Variants in TTI1 observed in about 807,000 individuals in gnomAD.
The protein encoded by TTI1 is TELO2 interacting protein 1.
In TTI1, 52 loss-of-function variants were observed where a neutral mutation model predicts 85.4. The observed-to-expected ratio is 0.61, with a 90% CI of 0.49 to 0.77. The LOEUF (loss-of-function observed/expected upper bound fraction) is 0.77, where lower values mean the gene tolerates loss of function less well. Among genes scored for constraint, TTI1 ranks in the 30% least tolerant of loss-of-function variants. The probability of loss-of-function intolerance (pLI) is 0.00; values close to 1 mark genes in which losing one functional copy is unlikely to be tolerated. For synonymous variants in TTI1, 512 were observed against 503.9 expected, an observed-to-expected ratio of 1.02 and a Z score of -0.22; for missense variants, 1,173 against 1,296.0, an observed-to-expected ratio of 0.91 and a Z score of 1.46.
chr20:38,006,892 A>T (rs1429194985), intron 2 of TTI1, among the ~76,000 whole-genome samples: 1 of 152,232 alleles, frequency 6.6e-6, no homozygotes, highest in Non-Finnish European at 1.5e-5. Context: ...CACCACTGGA[A>T]ATCTAATATG....
chr20:38,011,743 T>A lies in TTI1; in HGVS notation c.2074A>T (p.Asn692Tyr). The change falls in exon 2 of 8, where the codon AAT (asparagine) becomes TAT (tyrosine). Residue 692 changes from asparagine (N) to tyrosine (Y), a missense_variant. Asn to Tyr is a moderately radical substitution (Grantham distance 143). Transcript: ENST00000373447. Reference sequence around the variant, plus strand: ...TTCACTAAATAGTCTGAATTTTGATTGATCAGGTGCTGCAGGGAGTCGTAG... The same window carrying A: ...TTCACTAAATAGTCTGAATTTTGATAGATCAGGTGCTGCAGGGAGTCGTAG... Reference protein sequence around the residue: ...CGYDSLQHLINQNSDYLVNGI... With the variant: ...CGYDSLQHLIYQNSDYLVNGI... The A allele has an allele frequency of 6.2e-7, 1 of 1,614,208 alleles. No homozygotes were observed. Among genetic ancestry groups the A allele is most frequent in the Non-Finnish European group, 8.5e-7 (1 of 1,180,032 alleles).
intron 7 of TTI1, among the ~76,000 whole-genome samples, chr20:37,993,491 C>T (rs1239523918): frequency 6.6e-6 from 1 of 152,180 alleles, no homozygotes; most frequent in African/African-American, 2.4e-5. Context: ...AAGCATGATG[C>T]ACATAAAGAT....
chr20:38,017,417 T>TGTGA (rs1374082464), intron 1 of TTI1, among the ~76,000 whole-genome samples: 38 of 151,030 alleles, frequency 2.5e-4, no homozygotes, highest in African/African-American at 9.3e-4. Flanking sequence ...TGTGTGTGTG[T>TGTGA]GTGTGTGTGT....
chr20:38,030,611 T>C (rs1462750717), intron 1 of TTI1, among the ~76,000 whole-genome samples: 1 of 151,864 alleles, frequency 6.6e-6, no homozygotes, highest in African/African-American at 2.4e-5. Context: ...GCTCAATATT[T>C]GAAAATCAAT....
chr20:38,002,258 CAG>C (rs2073436786), intron 4 of TTI1, among the ~76,000 whole-genome samples: 1 of 152,164 alleles, frequency 6.6e-6, no homozygotes, highest in South Asian at 2.1e-4. Context: ...AGAATGAAAA[CAG>C]AGAGATAAGG....
intron 1 of TTI1, among the ~76,000 whole-genome samples, chr20:38,033,027 A>G (rs2073938670): frequency 1.3e-5 from 2 of 152,162 alleles, no homozygotes; most frequent in Admixed American, 1.3e-4. Flanking sequence ...CGAGAGCCCA[A>G]ATGTGTGTTT....
At chr20:38,029,711 G>A (rs149165432) in intron 1 of TTI1, among the ~76,000 whole-genome samples, 12 of 152,270 alleles carry the variant, frequency 7.9e-5, no homozygotes, top group East Asian at 3.9e-4. Context: ...TTGAATATCC[G>A]TCCCTTCCAA....
chr20:38,028,004 T>C (rs1221631748), intron 1 of TTI1, among the ~76,000 whole-genome samples: 1 of 152,214 alleles, frequency 6.6e-6, no homozygotes, highest in East Asian at 1.9e-4. Context: ...TCTGTCTTCA[T>C]CTTTGTCTTC....
At position 38,013,144 on chromosome 20, in the gene TTI1, A is replaced by T. The variant is rs1332031521; in HGVS notation, c.673T>A (p.Phe225Ile). 3.1e-6 allele frequency: 5 copies of T among 1,614,220 alleles called. No individual in the cohort carries two copies. The highest frequency in any genetic ancestry group is 4.2e-6 in the Non-Finnish European group (5 of 1,180,036). Residue 225 changes from phenylalanine to isoleucine, a missense_variant, in exon 2 of 8, where the codon TTT becomes ATT. Coordinates refer to ENST00000373447, the MANE Select transcript of TTI1 (RefSeq NM_001303457.2). ...TALTRLITGD[F>I]KQGHSIVVSS... Reference sequence around the variant, plus strand: ...ACGACAATGCTGTGACCTTGTTTAAAGTCTCCTGTGATAAGCCTGGTCAGT... The same window carrying T: ...ACGACAATGCTGTGACCTTGTTTAATGTCTCCTGTGATAAGCCTGGTCAGT...
intron 6 of TTI1, 22 bp from the exon 7 acceptor site, chr20:37,996,484 C>G (rs778954246): frequency 6.2e-7 from 1 of 1,611,536 alleles, no homozygotes; most frequent in Admixed American, 1.7e-5. Flanking sequence ...AAAAACAAAA[C>G]AAGCATCAGC....
intron 2 of TTI1, among the ~76,000 whole-genome samples, chr20:38,009,187 C>T (rs1280504350): frequency 6.6e-6 from 1 of 152,160 alleles, no homozygotes; most frequent in African/African-American, 2.4e-5. Flanking sequence ...TAAAGCAGTA[C>T]AGGTGGGATA....
intron 7 of TTI1, among the ~76,000 whole-genome samples, chr20:37,986,356 G>GT (rs1451536468): frequency 3.3e-5 from 5 of 152,104 alleles, no homozygotes; most frequent in Admixed American, 1.3e-4. Context: ...TATGAATGTC[G>GT]TATTTGTTGG....
At chr20:37,999,508 T>C (rs184813483) in intron 4 of TTI1, among the ~76,000 whole-genome samples, 180 bp from the exon 5 acceptor site, 25 of 152,066 alleles carry the variant, frequency 1.6e-4, no homozygotes, top group African/African-American at 5.5e-4. Flanking sequence ...AAAATACACG[T>C]TTCCTTGCCT....
At chr20:38,025,293 C>A (rs2073822197) in intron 1 of TTI1, among the ~76,000 whole-genome samples, 1 of 152,020 alleles carries the variant, frequency 6.6e-6, no homozygotes, top group African/African-American at 2.4e-5. Flanking sequence ...AATCGGTATG[C>A]CGTGGTGGCT....
rs377075805 is a variant in TTI1, at chr20:38,012,100, C to T, written c.1717G>A (p.Val573Ile). 10 of 1,614,180 alleles carry T rather than the reference C, an allele frequency of 6.2e-6. No individual in the cohort carries two copies. Among genetic ancestry groups the T allele is most frequent in the Admixed American group, 5.0e-5 (3 of 60,024 alleles). Residue 573 changes from valine (V) to isoleucine (I), a missense_variant, in exon 2 of 8, where the codon GTT becomes ATT. Val to Ile is a conservative substitution (Grantham distance 29). Transcript: ENST00000373447. ...EYTSQENWYL[V>I]TCLETEEMGE... is the part of the protein sequence containing the mutation. ...ATTTCCTCAGTTTCAAGACAGGTAACCAAATACCAATTTTCTTGACTTGTG... is the reference window on the plus strand; with the variant it reads ...ATTTCCTCAGTTTCAAGACAGGTAATCAAATACCAATTTTCTTGACTTGTG...
At chr20:38,016,610 C>T (rs1256459718) in intron 1 of TTI1, among the ~76,000 whole-genome samples, 1 of 152,204 alleles carries the variant, frequency 6.6e-6, no homozygotes, top group African/African-American at 2.4e-5. Context: ...CTTTCACCCT[C>T]TCTTAATCCC....
chr20:37,992,709 G>C (rs1471620018), intron 7 of TTI1, among the ~76,000 whole-genome samples: 1 of 152,208 alleles, frequency 6.6e-6, no homozygotes, highest in Non-Finnish European at 1.5e-5. Flanking sequence ...CTAAGAGATT[G>C]GCCCAAGGAG....
intron 1 of TTI1, among the ~76,000 whole-genome samples, chr20:38,029,879 A>G (rs185634290): frequency 5.4e-4 from 82 of 152,244 alleles, no homozygotes; most frequent in Non-Finnish European, 9.4e-4. Flanking sequence ...GATATCCTGC[A>G]CTGCCTTGGG....
At chr20:37,998,877 C>T (rs895492800) in intron 5 of TTI1, among the ~76,000 whole-genome samples, 2 of 152,174 alleles carry the variant, frequency 1.3e-5, no homozygotes, top group Non-Finnish European at 1.5e-5. Context: ...CTTAACTTCT[C>T]TGAGCTTCTT....
Sources: allele counts gnomAD v4.1 joint callset (sites outside exome capture counted in the v4.1 genomes callset), GRCh38; gene constraint gnomAD v4.1.1; transcripts MANE v1.5; gene names NCBI Gene and HGNC (gene_info 2026-07-23, HGNC 2026-07-21).